The following TCF20 variants were observed in gnomAD, a reference collection of about 807,000 sequenced individuals.
TCF20 encodes the protein transcription factor 20, also known as SPRE-binding protein.
A neutral mutation model predicts 148.6 loss-of-function variants in TCF20; 3 were observed. The observed-to-expected ratio is 0.02, with a 90% CI of 0.01 to 0.05. TCF20 has a LOEUF of 0.05. Among genes scored for constraint, TCF20 ranks in the 10% least tolerant of loss-of-function variants. TCF20 has a pLI of 1.00. For synonymous variants in TCF20, 1,049 were observed against 909.5 expected (o/e 1.15, Z -2.76); for missense variants, 2,350 against 2,429.3 (o/e 0.97, Z 0.69).
At position 42,297,323 on chromosome 22, in the gene TCF20, C is replaced by A. The variant is rs1394730387; in HGVS notation, c.-37+46156G>T. On this transcript the variant is annotated intron_variant, in intron 1 of 1. Transcript: ENST00000515426. This position sits in a 1 kb window ranked among gnomAD's most constrained non-coding sequence, Gnocchi z 4.3. Reference sequence around the variant, plus strand: ...GCCAGGCCTGAGCAGAGGTCAGACTCCCTAGCTGGCTTAAGGGTTGGTCAT... The same window carrying A: ...GCCAGGCCTGAGCAGAGGTCAGACTACCTAGCTGGCTTAAGGGTTGGTCAT... 6.6e-6 allele frequency among the ~76,000 whole-genome samples: 1 copy of A among 152,264 alleles called. No individual in the cohort carries two copies. The highest frequency in any genetic ancestry group is 1.5e-5 in the Non-Finnish European group (1 of 68,044).
At chr22:42,182,003 T>C (rs1184396609) in intron 2 of TCF20, among the ~76,000 whole-genome samples, 8 of 152,172 alleles carry the variant, frequency 5.3e-5, no homozygotes, top group Non-Finnish European at 1.0e-4. Context: ...AGTATCACCA[T>C]GAGGGGACAG....
At position 42,160,052 on chromosome 22, in the gene TCF20, A is replaced by T. The variant is rs968324972; in HGVS notation, c.*1351T>A. On this transcript the variant is annotated 3_prime_UTR_variant, in exon 6 of 6. Transcript: ENST00000677622. ...AGTTTATTATTTTTTTGATTTTTTG[A>T]TTTTTTTTGTTTTTTGTTTTTTTAA... 2.0e-5 allele frequency: 3 copies of T among 152,276 alleles called. No individual in the cohort carries two copies. The highest frequency in any genetic ancestry group is 2.9e-5 in the Non-Finnish European group (2 of 67,946). 9.4% of individuals were successfully genotyped at this position (152,276 alleles called of 1,614,324 possible).
Position 42,168,758 on chromosome 22 carries a change from G to C in TCF20, c.5800-22C>G, listed in dbSNP as rs1226413128. 3 of 1,599,258 alleles carry C rather than the reference G, an allele frequency of 1.9e-6. No homozygotes were observed. In the Admixed American group the frequency reaches 5.1e-5, roughly 27 times the overall value. On this transcript the variant is annotated intron_variant, in intron 4 of 5. Transcript: ENST00000677622. The stretch of plus-strand genomic sequence containing the variant: ...GAGGCTGACACGGGCAAAACCAAGA[G>C]GAGACAGACAGGTGGGAGAGGACAG...
chr22:42,214,891 A>C lies in TCF20; in HGVS notation c.415T>G (p.Phe139Val). Residue 139 changes from phenylalanine to valine, a missense_variant, in exon 2 of 6, where the codon TTT (phenylalanine) becomes GTT (valine). By Grantham distance (50) the Phe-to-Val change is conservative. Coordinates refer to ENST00000677622, the MANE Select transcript of TCF20 (RefSeq NM_001378418.1). Reference sequence around the variant, plus strand: ...CCAAGGCCAGAGTGCTGTGCTTGAAACTGGCCCACATGACCCTCACTCCCA... The same window carrying C: ...CCAAGGCCAGAGTGCTGTGCTTGAACCTGGCCCACATGACCCTCACTCCCA... ...QYGSEGHVGQ[F>V]QAQHSGLGGV... The C allele has an allele frequency of 3.7e-6, 6 of 1,614,066 alleles. No homozygotes were observed. In the Middle Eastern group the frequency reaches 9.9e-4, roughly 266 times the overall value.
intron 2 of TCF20, among the ~76,000 whole-genome samples, chr22:42,183,199 G>A (rs1936864460): frequency 6.6e-6 from 1 of 152,194 alleles, no homozygotes; most frequent in Admixed American, 6.5e-5. Context: ...GGGTGAGCTA[G>A]GATTACTGGA....
In TCF20 at chr22:42,260,001, A is replaced by G. The variant is rs1347464664; in HGVS notation, c.-37+10338T>C. On this transcript the variant is annotated intron_variant, in intron 1 of 5. Coordinates refer to ENST00000677622, the MANE Select transcript of TCF20 (RefSeq NM_001378418.1). ...AAAATGTTTTAAAGAATAAATTCAG[A>G]CTATGATAAAAGCTATGAACAAAAC... is the stretch of plus-strand genomic sequence containing the variant. 3.3e-5 allele frequency among the ~76,000 whole-genome samples: 5 copies of G among 152,228 alleles called. No homozygotes were observed. In the East Asian group the frequency reaches 9.6e-4, roughly 29 times the overall value.
chr22:42,227,761 G>A (rs926665486), intron 1 of TCF20, among the ~76,000 whole-genome samples: 1 of 152,052 alleles, frequency 6.6e-6, no homozygotes, highest in African/African-American at 2.4e-5. Context: ...GTATTTCCTC[G>A]TGACCAGACT....
chr22:42,213,037 G>A lies in TCF20; in HGVS notation c.2269C>T (p.Leu757Phe), dbSNP rs747818704. ...TCAGGGTGGTGGTGGTAACCCTGAA[G>A]CACTTCCTGCAGGAGGCTTGGGAAT... ...EKFPSLLQEV[L>F]QGYHHHPDRR... Residue 757 changes from leucine to phenylalanine, a missense_variant, in exon 2 of 6, where the codon CTT becomes TTT. By Grantham distance (22) the Leu-to-Phe change is conservative (BLOSUM62 0). Around this residue, in one of 7 missense-constraint regions of TCF20, gnomAD observed 1,641 missense variants for 1,662.6 expected, o/e 0.99. Transcript: ENST00000677622. 3 of 1,614,066 alleles carry A rather than the reference G, an allele frequency of 1.9e-6. No homozygotes were observed. The highest frequency in any genetic ancestry group is 2.5e-6 in the Non-Finnish European group (3 of 1,179,990).
intron 2 of TCF20, among the ~76,000 whole-genome samples, chr22:42,188,988 A>G (rs949489942): frequency 1.3e-5 from 2 of 152,186 alleles, no homozygotes; most frequent in South Asian, 2.1e-4. Context: ...CCTGAGTCAT[A>G]AAGAGTGAGT....
At position 42,317,967 on chromosome 22, in the gene TCF20, G is replaced by A. The variant is rs1330085542; in HGVS notation, c.-37+25512C>T. Among the ~76,000 whole-genome samples the A allele has an allele frequency of 6.6e-6, 1 of 152,184 alleles. No homozygotes were observed. Among genetic ancestry groups the A allele is most frequent in the Non-Finnish European group, 1.5e-5 (1 of 68,018 alleles). On this transcript the variant is annotated intron_variant, in intron 1 of 1. Transcript: ENST00000515426. This position sits in a 1 kb window ranked among gnomAD's most constrained non-coding sequence, Gnocchi z 4.2. ...ATTGGCCACACTCCCAGAGCCCTAT[G>A]GGGCAGGCAGGCCCAGGCCCAGACA...
intron 1 of TCF20, among the ~76,000 whole-genome samples, chr22:42,235,309 G>A (rs570226076): frequency 6.6e-6 from 1 of 152,272 alleles, no homozygotes; most frequent in South Asian, 2.1e-4. Context: ...AGAGATTTGA[G>A]GAACAGTAAC....
rs1927660320 is a variant in TCF20 at position 42,317,806 on chromosome 22, G to A, written c.-37+25673C>T. Among the ~76,000 whole-genome samples the A allele has an allele frequency of 6.6e-6, 1 of 152,210 alleles. No individual in the cohort carries two copies. The highest frequency in any genetic ancestry group is 1.5e-5 in the Non-Finnish European group (1 of 68,026). On this transcript the variant is annotated intron_variant, in intron 1 of 1. Transcript: ENST00000515426. This position sits in a 1 kb window ranked among gnomAD's most constrained non-coding sequence, Gnocchi z 4.2. ...ACAACGCTACAGAGAAAAATGGCAG[G>A]CAGCCAGCAGGGCCCAATTAGGTAG...
chr22:42,304,623 G>A (rs1158348547), intron 1 of TCF20, among the ~76,000 whole-genome samples: 1 of 152,190 alleles, frequency 6.6e-6, no homozygotes, highest in Non-Finnish European at 1.5e-5. Context: ...GCACTCTGAT[G>A]AACATCTAAC....
chr22:42,250,782 T>A (rs1051880900), intron 1 of TCF20, among the ~76,000 whole-genome samples: 3 of 152,188 alleles, frequency 2.0e-5, no homozygotes, highest in Non-Finnish European at 1.5e-5. Flanking sequence ...AGAAAAGAGA[T>A]TTAATTGGCT....
chr22:42,224,253 C>T (rs1448741725), intron 1 of TCF20, among the ~76,000 whole-genome samples: 5 of 151,896 alleles, frequency 3.3e-5, no homozygotes, highest in South Asian at 2.1e-4. Context: ...GGGCGGATAA[C>T]GAGGTCAGGA....
chr22:42,215,492 C>CA, intron 1 of TCF20, 151 bp from the exon 2 acceptor site: 1 of 1,032,422 alleles, frequency 9.7e-7, no homozygotes, highest in Non-Finnish European at 1.3e-6. Flanking sequence ...TTTTTTGAGA[C>CA]AAGAGTCTCA....
At chr22:42,163,629 G>A (rs1935597288) in intron 5 of TCF20, among the ~76,000 whole-genome samples, 1 of 152,232 alleles carries the variant, frequency 6.6e-6, no homozygotes, top group Non-Finnish European at 1.5e-5. Context: ...CGTGGCCAGA[G>A]GTGGGACTGG....
At chr22:42,276,160 TC>T (rs1209095282) in intron 1 of TCF20, among the ~76,000 whole-genome samples, 1 of 152,218 alleles carries the variant, frequency 6.6e-6, no homozygotes, top group African/African-American at 2.4e-5. Flanking sequence ...CTTTGTTCCA[TC>T]CTGTTTTGTT....
At chr22:42,221,173 G>A (rs1922324516) in intron 1 of TCF20, among the ~76,000 whole-genome samples, 1 of 152,176 alleles carries the variant, frequency 6.6e-6, no homozygotes, top group South Asian at 2.1e-4. Context: ...CGTAGAGGTT[G>A]ATGATATTCC....
Sources: gnomAD v4.1 joint callset for allele counts (sites outside exome capture counted in the v4.1 genomes callset) on GRCh38, gnomAD v4.1.1 for gene constraint, gnomAD v4.1.1 regional missense constraint, Gnocchi (gnomAD v3.1) non-coding constraint, MANE v1.5 for transcripts, NCBI Gene and HGNC (gene_info 2026-07-23, HGNC 2026-07-21) for gene names.